The following SOCS5 variants were observed in gnomAD, a reference collection of about 807,000 sequenced individuals.
The protein encoded by SOCS5 is suppressor of cytokine signaling 5, also known as CIS-6.
SOCS5 carries 32 observed loss-of-function variants against 42.8 expected under a neutral mutation model. That is an observed-to-expected ratio of 0.75 (90% CI 0.56 to 1.01). SOCS5 has a LOEUF of 1.01. Among genes scored for constraint, SOCS5 ranks in the 50% least tolerant of loss-of-function variants. SOCS5 has a pLI of 0.00. For missense variants in SOCS5, 627 were observed against 653.0 expected (o/e 0.96, Z 0.43); for synonymous variants, 283 against 229.6 (o/e 1.23, Z -2.10).
In SOCS5 at chr2:46,762,098, A is replaced by T. The variant is rs1424320235; in HGVS notation, c.*1957A>T. Reference sequence around the variant, plus strand: ...TTAACCAAAGACTTGTCCCTTTTAAAGCAAAATGGGGATTGAAGGGACTTA... The same window carrying T: ...TTAACCAAAGACTTGTCCCTTTTAATGCAAAATGGGGATTGAAGGGACTTA... On this transcript the variant is annotated 3_prime_UTR_variant, in exon 2 of 2. Transcript: ENST00000394861. 2 of 167,054 alleles carry T rather than the reference A, an allele frequency of 1.2e-5. No individual in the cohort carries two copies. Among genetic ancestry groups the T allele is most frequent in the Non-Finnish European group, 2.9e-5 (2 of 68,070 alleles). The allele number at this position is 167,054 out of a possible 1,614,324, so 10.3% of individuals were successfully genotyped here.
Position 46,759,805 on chromosome 2 carries a change from C to T in SOCS5, c.1275C>T (p.Ser425=), listed in dbSNP as rs745439143. ...FSVSFRRYNR[S]LHARIEQWNH... is the part of the protein sequence containing the mutation. ...TGAGCTTCCGCCGCTACAACAGATC[C>T]CTGCATGCCCGAATTGAGCAGTGGA... The change falls in exon 2 of 2, where the codon TCC becomes TCT. Residue 425 remains serine (S), a synonymous_variant. Coordinates refer to ENST00000394861, the MANE Select transcript of SOCS5 (RefSeq NM_144949.3). 1 of 1,614,122 alleles carries T rather than the reference C, an allele frequency of 6.2e-7. No homozygotes were observed. The highest frequency in any genetic ancestry group is 8.5e-7 in the Non-Finnish European group (1 of 1,180,016).
rs576800210 is a variant in SOCS5, at chr2:46,758,998, C to A, written c.468C>A (p.Tyr156Ter). ...GACTTCAAAGGAGAGAGAGGCGCTACGGCGTAAGTTCTGTACACGACATGG... is the reference window on the plus strand; with the variant it reads ...GACTTCAAAGGAGAGAGAGGCGCTAAGGCGTAAGTTCTGTACACGACATGG... ...RSGLQRRERR[Y>*]GVSSVHDMDS... The change falls in exon 2 of 2, where the codon TAC becomes TAA. Residue 156 changes from tyrosine (Y) to a stop codon, truncating the protein, a stop_gained. Transcript: ENST00000394861. LOFTEE classifies it high-confidence loss of function. 6.2e-7 allele frequency: 1 copy of A among 1,613,938 alleles called. No homozygotes were observed. The highest frequency in any genetic ancestry group is 8.5e-7 in the Non-Finnish European group (1 of 1,179,848).
chr2:46,759,645 A>T lies in SOCS5; in HGVS notation c.1115A>T (p.Asp372Val), dbSNP rs1673815122. ...GATTACATACACTGCCTCGTGCCTG[A>T]TTTGCTTCAAATTACAGGGAATCCC... ...QIDYIHCLVP[D>V]LLQITGNPCY... is the part of the protein sequence containing the mutation. Residue 372 changes from aspartate to valine, a missense_variant, in exon 2 of 2, where the codon GAT becomes GTT. Asp to Val is a radical substitution (Grantham distance 152). Around this residue, in one of 3 missense-constraint regions of SOCS5, gnomAD observed 340 missense variants for 367.6 expected, o/e 0.92. Coordinates refer to ENST00000394861, the MANE Select transcript of SOCS5 (RefSeq NM_144949.3). 1 of 1,613,956 alleles carries T rather than the reference A, an allele frequency of 6.2e-7. No individual in the cohort carries two copies. Among genetic ancestry groups the T allele is most frequent in the Non-Finnish European group, 8.5e-7 (1 of 1,179,976 alleles).
At chr2:46,711,040 C>T (rs1180292719) in intron 1 of SOCS5, among the ~76,000 whole-genome samples, 1 of 152,102 alleles carries the variant, frequency 6.6e-6, no homozygotes, top group Non-Finnish European at 1.5e-5. Flanking sequence ...AGTAGTATTC[C>T]ATTATATGAA....
chr2:46,705,059 G>T lies in SOCS5; in HGVS notation c.-13+5610G>T, dbSNP rs550912787. On this transcript the variant is annotated intron_variant, in intron 1 of 1. Coordinates refer to ENST00000394861, the MANE Select transcript of SOCS5 (RefSeq NM_144949.3). ...CAGAAGTTCCTGCACTCCAGACCTT[G>T]CTGTAATTGTCACTATTTCTGACTG... Among the ~76,000 whole-genome samples the T allele has an allele frequency of 1.3e-5, 2 of 152,304 alleles. 1 individual carries two copies. Among genetic ancestry groups the T allele is most frequent in the South Asian group, 4.1e-4 (2 of 4,826 alleles).
chr2:46,757,466 A>C (rs1393435427), intron 1 of SOCS5, among the ~76,000 whole-genome samples: 2 of 152,084 alleles, frequency 1.3e-5, no homozygotes, highest in Non-Finnish European at 2.9e-5. Flanking sequence ...GCCAAATTGT[A>C]TGTTTTTGGT....
chr2:46,708,880 CTTTTTTTTTTTT>C (rs145238668), intron 1 of SOCS5, among the ~76,000 whole-genome samples: 64 of 63,276 alleles, frequency 1.0e-3, no homozygotes, highest in African/African-American at 3.8e-3. Flanking sequence ...ATCCTGAAGC[CTTTTTTTTTTTT>C]TTTTTTTTTT....
At chr2:46,747,534 T>G (rs1449375606) in intron 1 of SOCS5, among the ~76,000 whole-genome samples, 1 of 152,130 alleles carries the variant, frequency 6.6e-6, no homozygotes, top group Admixed American at 6.6e-5. Flanking sequence ...TTAAATCTGT[T>G]TTATATCTCC....
chr2:46,744,338 T>G (rs569352909), intron 1 of SOCS5, among the ~76,000 whole-genome samples: 1 of 152,284 alleles, frequency 6.6e-6, no homozygotes, highest in South Asian at 2.1e-4. Context: ...ACCACTTATT[T>G]GATAAACTCT....
rs145838582 is a variant in SOCS5 at position 46,739,450 on chromosome 2, G to C, written c.-12-19069G>C. On this transcript the variant is annotated intron_variant, in intron 1 of 1. Transcript: ENST00000394861. ...CTGCTTTCTTTGTTGTCTGTCTTGC[G>C]TATGCTGCTTTTTGGTTATTCTCCT... Among the ~76,000 whole-genome samples the C allele has an allele frequency of 3.7e-3, 556 of 152,248 alleles. 6 individuals are homozygous for C. Among genetic ancestry groups the C allele is most frequent in the African/African-American group, 0.013 (538 of 41,552 alleles).
intron 1 of SOCS5, among the ~76,000 whole-genome samples, chr2:46,758,150 A>AG (rs1344487614): frequency 1.3e-5 from 2 of 152,258 alleles, no homozygotes; most frequent in Non-Finnish European, 2.9e-5. Context: ...TTGAATACAA[A>AG]TGTGTTTCAA....
At chr2:46,754,800 C>G (rs1219162177) in intron 1 of SOCS5, among the ~76,000 whole-genome samples, 2 of 152,044 alleles carry the variant, frequency 1.3e-5, no homozygotes, top group African/African-American at 2.4e-5. Context: ...GTGTAAATAA[C>G]AATTAAAAAT....
At chr2:46,746,326 C>T (rs551375682) in intron 1 of SOCS5, among the ~76,000 whole-genome samples, 1 of 152,244 alleles carries the variant, frequency 6.6e-6, no homozygotes, top group South Asian at 2.1e-4. Flanking sequence ...CATGTTTTCT[C>T]TCCTGCCATT....
chr2:46,716,870 T>C (rs1672757567), intron 1 of SOCS5, among the ~76,000 whole-genome samples: 1 of 152,200 alleles, frequency 6.6e-6, no homozygotes, highest in Admixed American at 6.5e-5. Context: ...GGAATAGCTT[T>C]TAGTTTAGGG....
intron 1 of SOCS5, among the ~76,000 whole-genome samples, chr2:46,730,051 T>C (rs1032237667): frequency 1.4e-4 from 22 of 152,168 alleles, no homozygotes. Context: ...TAGACATCAT[T>C]AGAATAGGAG....
intron 1 of SOCS5, among the ~76,000 whole-genome samples, chr2:46,700,431 C>G (rs558805965): frequency 1.3e-5 from 2 of 152,184 alleles, no homozygotes; most frequent in African/African-American, 4.8e-5. Context: ...TACTTCTTCC[C>G]TATTTAACGT....
At chr2:46,756,438 A>C (rs573162691) in intron 1 of SOCS5, among the ~76,000 whole-genome samples, 2 of 152,240 alleles carry the variant, frequency 1.3e-5, no homozygotes, top group South Asian at 4.1e-4. Context: ...TAAATGTAAA[A>C]ATTTTTCTGA....
At chr2:46,712,937 T>G (rs1157628426) in intron 1 of SOCS5, among the ~76,000 whole-genome samples, 2 of 152,184 alleles carry the variant, frequency 1.3e-5, no homozygotes, top group Non-Finnish European at 2.9e-5. Flanking sequence ...TCCTCTTATT[T>G]TGTGGAAGAG....
intron 1 of SOCS5, among the ~76,000 whole-genome samples, chr2:46,738,983 A>G (rs1431652504): frequency 6.6e-6 from 1 of 152,232 alleles, no homozygotes; most frequent in Non-Finnish European, 1.5e-5. Flanking sequence ...TGTCATATCA[A>G]TGAGCATTAT....
Sources: allele counts gnomAD v4.1 joint callset (sites outside exome capture counted in the v4.1 genomes callset), GRCh38; gene constraint gnomAD v4.1.1; regional missense constraint gnomAD v4.1.1; transcripts MANE v1.5; gene names NCBI Gene and HGNC (gene_info 2026-07-23, HGNC 2026-07-21).